The following KIAA1217 variants were observed in gnomAD, a reference collection of about 807,000 sequenced individuals.
KIAA1217 encodes the protein KIAA1217, also known as sickle tail protein homolog.
In KIAA1217, 88 loss-of-function variants were observed where a neutral mutation model predicts 163.9. The observed-to-expected ratio is 0.54, with a 90% confidence interval of 0.45 to 0.64. KIAA1217 has a LOEUF of 0.64. Among genes scored for constraint, KIAA1217 ranks in the 30% least tolerant of loss-of-function variants. The probability of loss-of-function intolerance (pLI) is 0.00; values close to 1 mark genes in which losing one functional copy is unlikely to be tolerated. For synonymous variants in KIAA1217, 903 were observed against 923.1 expected (o/e 0.98, Z 0.39); for missense variants, 2,372 against 2,475.0 (o/e 0.96, Z 0.88).
intron 1 of KIAA1217, among the ~76,000 whole-genome samples, chr10:23,814,152 G>A (rs1837210633): frequency 1.3e-5 from 2 of 152,288 alleles, no homozygotes; most frequent in African/African-American, 2.4e-5. Context: ...TTCTGAGCTG[G>A]TGTTTTATTT....
intron 1 of KIAA1217, among the ~76,000 whole-genome samples, chr10:23,892,327 C>T (rs1169195113): frequency 6.6e-6 from 1 of 151,640 alleles, no homozygotes; most frequent in South Asian, 2.1e-4. Flanking sequence ...AAACAAATAC[C>T]TTTTGTGAGA....
chr10:24,107,698 C>T (rs1336327903), intron 2 of KIAA1217, among the ~76,000 whole-genome samples: 1 of 152,024 alleles, frequency 6.6e-6, no homozygotes, highest in African/African-American at 2.4e-5. Context: ...GAGAACATCA[C>T]CAAGTCTAAA....
intron 2 of KIAA1217, among the ~76,000 whole-genome samples, chr10:24,311,990 G>A (rs1229605644): frequency 6.6e-6 from 1 of 152,038 alleles, no homozygotes; most frequent in African/African-American, 2.4e-5. Context: ...GACTTTCCTC[G>A]AGGTGGAATT....
chr10:23,838,204 T>C (rs1253509277), intron 1 of KIAA1217, among the ~76,000 whole-genome samples: 1 of 152,212 alleles, frequency 6.6e-6, no homozygotes, highest in Non-Finnish European at 1.5e-5. Flanking sequence ...TTTCTCTGCT[T>C]ACTTAAGCTA....
At chr10:23,839,055 T>G (rs1203456695) in intron 1 of KIAA1217, among the ~76,000 whole-genome samples, 2 of 152,192 alleles carry the variant, frequency 1.3e-5, no homozygotes, top group Non-Finnish European at 2.9e-5. Flanking sequence ...TCCCAACATT[T>G]TATTGATTTT....
intron 2 of KIAA1217, among the ~76,000 whole-genome samples, chr10:24,306,148 G>T (rs1256143318): frequency 6.6e-6 from 1 of 152,076 alleles, no homozygotes; most frequent in African/African-American, 2.4e-5. Context: ...CATGCTATTT[G>T]ATCACTCTTC....
At chr10:24,254,935 C>A (rs1358605393) in intron 2 of KIAA1217, among the ~76,000 whole-genome samples, 1 of 151,774 alleles carries the variant, frequency 6.6e-6, no homozygotes, top group Non-Finnish European at 1.5e-5. Context: ...CTCACAGCAA[C>A]CTCTGCCTCC....
At chr10:24,018,525 T>G (rs1847590136) in intron 2 of KIAA1217, among the ~76,000 whole-genome samples, 1 of 151,528 alleles carries the variant, frequency 6.6e-6, no homozygotes, top group Admixed American at 6.6e-5. Context: ...AACCTGCACA[T>G]TGTGCACATG....
intron 2 of KIAA1217, among the ~76,000 whole-genome samples, chr10:24,154,517 T>G (rs1330055245): frequency 3.9e-5 from 6 of 152,134 alleles, no homozygotes; most frequent in Non-Finnish European, 7.3e-5. Flanking sequence ...TAAAAGCACT[T>G]AGTGCATTGT....
chr10:24,506,603 G>A (rs919038950), intron 9 of KIAA1217, among the ~76,000 whole-genome samples: 1 of 152,176 alleles, frequency 6.6e-6, no homozygotes, highest in Admixed American at 6.5e-5. Context: ...CCCACTGTGG[G>A]CAACTAGAAA....
chr10:24,256,671 C>T lies in KIAA1217; in HGVS notation c.354+36762C>T, dbSNP rs976421834. Among the ~76,000 whole-genome samples the T allele has an allele frequency of 4.6e-5, 7 of 152,256 alleles. No homozygotes were observed. In the South Asian group the frequency reaches 1.5e-3, roughly 32 times the overall value. On this transcript the variant is annotated intron_variant, in intron 2 of 20. Transcript: ENST00000376454. ...TTTACATTTTAGTAGAAACTGTTAG[C>T]AGTAGGAGGATTTGCTTTGTGTGTG...
chr10:24,177,026 G>A (rs2065925971), intron 2 of KIAA1217, among the ~76,000 whole-genome samples: 1 of 151,720 alleles, frequency 6.6e-6, no homozygotes, highest in South Asian at 2.1e-4. Context: ...CGAGTGCGGG[G>A]CCTGCTGAGC....
intron 8 of KIAA1217, among the ~76,000 whole-genome samples, chr10:24,495,671 A>T (rs1043055689): frequency 1.3e-5 from 2 of 152,218 alleles, no homozygotes; most frequent in African/African-American, 2.4e-5. Context: ...AAGGGAATTT[A>T]AAATTGTTCT....
intron 5 of KIAA1217, among the ~76,000 whole-genome samples, chr10:24,461,811 C>T (rs548470085): frequency 2.6e-5 from 4 of 152,052 alleles, no homozygotes; most frequent in South Asian, 2.1e-4. Context: ...TTTTTGTTCA[C>T]GATATAATCA....
intron 1 of KIAA1217, among the ~76,000 whole-genome samples, chr10:23,841,568 C>G (rs1437986496): frequency 6.6e-6 from 1 of 151,908 alleles, no homozygotes; most frequent in Non-Finnish European, 1.5e-5. Flanking sequence ...ACACTCTGTT[C>G]CTATTAATTC....
intron 2 of KIAA1217, among the ~76,000 whole-genome samples, chr10:24,184,168 C>T (rs1036126775): frequency 1.3e-5 from 2 of 152,184 alleles, no homozygotes; most frequent in Admixed American, 6.5e-5. Flanking sequence ...GTTTTTAAAG[C>T]TCAAGCTTTC....
intron 2 of KIAA1217, among the ~76,000 whole-genome samples, chr10:24,361,369 G>T (rs2049975830): frequency 6.6e-6 from 1 of 152,056 alleles, no homozygotes; most frequent in East Asian, 1.9e-4. Flanking sequence ...TGTATTATTT[G>T]TAGAGATGAG....
chr10:23,771,217 C>T (rs1046963205), intron 1 of KIAA1217, among the ~76,000 whole-genome samples: 46 of 152,222 alleles, frequency 3.0e-4, no homozygotes, highest in Non-Finnish European at 6.5e-4. Context: ...TACAAATTAC[C>T]CAATCTGTAG....
At chr10:24,441,560 G>A (rs2060499085) in intron 5 of KIAA1217, among the ~76,000 whole-genome samples, 1 of 152,148 alleles carries the variant, frequency 6.6e-6, no homozygotes, top group South Asian at 2.1e-4. Context: ...TGGGGAAAAC[G>A]TGTACTAAAT....
Sources: allele counts gnomAD v4.1 joint callset (sites outside exome capture counted in the v4.1 genomes callset), GRCh38; gene constraint gnomAD v4.1.1; transcripts MANE v1.5; gene names NCBI Gene and HGNC (gene_info 2026-07-23, HGNC 2026-07-21).